The following ARID1B variants were observed in gnomAD, a reference collection of about 807,000 sequenced individuals.
ARID1B encodes the protein AT-rich interactive domain-containing protein 1B.
Under a neutral mutation model 212.3 loss-of-function variants are expected in ARID1B, and 30 were observed. The observed-to-expected ratio is 0.14, with a 90% CI of 0.11 to 0.19. ARID1B has a LOEUF of 0.19. Ranked by LOEUF, ARID1B falls within the 10% of genes least tolerant of loss-of-function variation. The pLI is 1.00. For synonymous variants in ARID1B, 1,402 were observed against 1,301.7 expected, an observed-to-expected ratio of 1.08 and a Z score of -1.66; for missense variants, 2,891 against 3,204.0, an observed-to-expected ratio of 0.90 and a Z score of 2.36.
chr6:156,931,099 A>C (rs1791668018), intron 3 of ARID1B, among the ~76,000 whole-genome samples: 1 of 149,938 alleles, frequency 6.7e-6, no homozygotes, highest in Non-Finnish European at 1.5e-5. Context: ...CTGAGGCAGG[A>C]GAATCTCTTG....
intron 7 of ARID1B, among the ~76,000 whole-genome samples, chr6:157,136,052 C>T (rs1788883152): frequency 6.6e-6 from 1 of 152,194 alleles, no homozygotes. Context: ...TAACAACCAG[C>T]ATTTATTGAA....
At chr6:156,986,471 AGCAGGG>A (rs1777924046) in intron 4 of ARID1B, among the ~76,000 whole-genome samples, 3 of 152,232 alleles carry the variant, frequency 2.0e-5, no homozygotes, top group Admixed American at 2.0e-4. Flanking sequence ...CATAAGAGAC[AGCAGGG>A]GCTGGTAGTT....
intron 2 of ARID1B, among the ~76,000 whole-genome samples, chr6:156,900,193 A>G (rs1230835087): frequency 6.6e-6 from 1 of 152,270 alleles, no homozygotes; most frequent in Non-Finnish European, 1.5e-5. Context: ...GTGAGCCGTT[A>G]TGGTCACATT....
At chr6:156,945,696 G>A (rs542146397) in intron 4 of ARID1B, among the ~76,000 whole-genome samples, 3 of 152,258 alleles carry the variant, frequency 2.0e-5, no homozygotes, top group South Asian at 2.1e-4. Context: ...TCATTCATTG[G>A]ACACTATTTT....
At chr6:156,797,936 C>T (rs1780507021) in intron 1 of ARID1B, among the ~76,000 whole-genome samples, 1 of 152,216 alleles carries the variant, frequency 6.6e-6, no homozygotes, top group African/African-American at 2.4e-5. Context: ...GAGAGTTCCA[C>T]AGGGGGCAGG....
At chr6:156,789,645 C>A (rs527267227) in intron 1 of ARID1B, among the ~76,000 whole-genome samples, 5 of 152,254 alleles carry the variant, frequency 3.3e-5, no homozygotes, top group Admixed American at 2.0e-4. Flanking sequence ...TGAGCTAAGA[C>A]TTGGTTAATG....
intron 4 of ARID1B, among the ~76,000 whole-genome samples, chr6:157,064,543 T>C (rs1393591515): frequency 2.0e-5 from 3 of 152,216 alleles, no homozygotes; most frequent in East Asian, 3.9e-4. Flanking sequence ...CTTCTAATGC[T>C]TCTTATTCAT....
intron 7 of ARID1B, among the ~76,000 whole-genome samples, chr6:157,140,220 A>G (rs1016026913): frequency 2.6e-5 from 4 of 152,148 alleles, no homozygotes; most frequent in African/African-American, 9.7e-5. Flanking sequence ...CTGTAATCCC[A>G]GCACTTTGGG....
chr6:156,904,304 A>G (rs1408718745), intron 3 of ARID1B, among the ~76,000 whole-genome samples: 1 of 152,198 alleles, frequency 6.6e-6, no homozygotes, highest in Non-Finnish European at 1.5e-5. Flanking sequence ...ATCTTTCCAA[A>G]GGAGCACATA....
At chr6:157,113,337 TGTTATA>T (rs1183882779) in intron 6 of ARID1B, among the ~76,000 whole-genome samples, 3 of 152,240 alleles carry the variant, frequency 2.0e-5, no homozygotes, top group African/African-American at 7.2e-5. Context: ...ATTATTATAT[TGTTATA>T]GTTTGTTTTC....
At chr6:157,060,926 T>C (rs1267549819) in intron 4 of ARID1B, among the ~76,000 whole-genome samples, 1 of 152,096 alleles carries the variant, frequency 6.6e-6, no homozygotes, top group Non-Finnish European at 1.5e-5. Context: ...TTCTTCCCCC[T>C]GGAGCTGCTG....
intron 4 of ARID1B, among the ~76,000 whole-genome samples, chr6:157,079,122 A>G (rs1784478516): frequency 6.6e-6 from 1 of 152,232 alleles, no homozygotes; most frequent in African/African-American, 2.4e-5. Flanking sequence ...ATGATTAAAT[A>G]AAAAGCGACA....
At chr6:157,075,961 G>A (rs1784277305) in intron 4 of ARID1B, among the ~76,000 whole-genome samples, 1 of 152,210 alleles carries the variant, frequency 6.6e-6, no homozygotes, top group East Asian at 1.9e-4. Flanking sequence ...AGGGACATAA[G>A]TGGCAAAGCT....
chr6:156,963,179 C>T (rs7768853), intron 4 of ARID1B, among the ~76,000 whole-genome samples: 86,184 of 151,974 alleles, frequency 0.57, 25,153 homozygotes, highest in African/African-American at 0.71. Flanking sequence ...TTGCCTGCAC[C>T]GACTGTGTTT....
chr6:156,815,798 C>T (rs1247910675), intron 1 of ARID1B, among the ~76,000 whole-genome samples: 2 of 152,162 alleles, frequency 1.3e-5, no homozygotes, highest in Non-Finnish European at 2.9e-5. Context: ...CTCTATCTAT[C>T]TTTATATTAG....
At chr6:156,973,159 C>T (rs1777033645) in intron 4 of ARID1B, among the ~76,000 whole-genome samples, 1 of 152,180 alleles carries the variant, frequency 6.6e-6, no homozygotes, top group African/African-American at 2.4e-5. Flanking sequence ...CAAAAACTGG[C>T]TAGTAATTAA....
intron 4 of ARID1B, among the ~76,000 whole-genome samples, chr6:156,945,567 G>C (rs1208372445): frequency 6.6e-6 from 1 of 151,958 alleles, no homozygotes. Flanking sequence ...TTTCCCCATG[G>C]GCATGGGTGG....
At chr6:156,976,622 G>A (rs1253881947) in intron 4 of ARID1B, among the ~76,000 whole-genome samples, 1 of 152,052 alleles carries the variant, frequency 6.6e-6, no homozygotes, top group South Asian at 2.1e-4. Context: ...AGCCAGCAAC[G>A]GCAACCCTTC....
rs1359909224 is a variant in ARID1B, at chr6:157,200,142, G to A, written c.4480-563G>A. Among the ~76,000 whole-genome samples, 1 of 152,174 alleles carries A rather than the reference G, an allele frequency of 6.6e-6. No homozygotes were observed. The highest frequency in any genetic ancestry group is 2.4e-5 in the African/African-American group (1 of 41,426). ...TGGTCCCAGCCCTGTCCTCAGTGCT[G>A]GGACCAGTGGGGCTTTGGGGGAGCC... is the stretch of plus-strand genomic sequence containing the variant. On this transcript the variant is annotated intron_variant, in intron 17 of 19. Transcript: ENST00000636930. This position sits in a 1 kb window ranked among gnomAD's most constrained non-coding sequence, Gnocchi z 4.3.
Sources: allele counts gnomAD v4.1 joint callset (sites outside exome capture counted in the v4.1 genomes callset), GRCh38; gene constraint gnomAD v4.1.1; non-coding constraint Gnocchi (gnomAD v3.1); transcripts MANE v1.5; gene names NCBI Gene and HGNC (gene_info 2026-07-23, HGNC 2026-07-21).